LDAH: variants seen among roughly 807,000 people sequenced by gnomAD.
The protein encoded by LDAH is lipid droplet-associated hydrolase.
LDAH carries 26 observed loss-of-function variants against 29.6 expected under a neutral mutation model. The ratio of observed to expected loss-of-function variants is 0.88; its 90% CI spans 0.64 to 1.22. The LOEUF is 1.22. Ranked by LOEUF, LDAH falls within the 50% of genes most tolerant of loss-of-function variation. The pLI, the probability that LDAH is intolerant of heterozygous loss-of-function variation, is 0.00. For synonymous variants in LDAH, 117 were observed against 133.0 expected, an observed-to-expected ratio of 0.88 and a Z score of 0.83; for missense variants, 344 against 387.3, an observed-to-expected ratio of 0.89 and a Z score of 0.94.
chr2:20,741,689 G>A (rs1221617638), intron 4 of LDAH, among the ~76,000 whole-genome samples: 3 of 152,078 alleles, frequency 2.0e-5, no homozygotes, highest in African/African-American at 4.8e-5. Context: ...AAGTTCTGTT[G>A]TTTCAGATTC....
chr2:20,790,084 C>T (rs1211370253), intron 3 of LDAH, among the ~76,000 whole-genome samples, 171 bp downstream of exon 3: 1 of 152,174 alleles, frequency 6.6e-6, no homozygotes, highest in Admixed American at 6.5e-5. Flanking sequence ...CAGAAAATTA[C>T]ATGAAGAGTT....
chr2:20,811,731 C>G (rs911658542), intron 1 of LDAH, among the ~76,000 whole-genome samples: 8 of 150,542 alleles, frequency 5.3e-5, no homozygotes, highest in Non-Finnish European at 1.0e-4. Flanking sequence ...TGATCCACCC[C>G]TCTCGGCCTC....
chr2:20,686,898 C>T lies in LDAH; in HGVS notation c.*5G>A, dbSNP rs762905227. 8.7e-6 allele frequency: 14 copies of T among 1,610,622 alleles called. No individual in the cohort carries two copies. In the African/African-American group the frequency reaches 1.6e-4, roughly 18 times the overall value. ...TGGCAGTGGGGGCTTGTTCCTCAGGCCAATTTACATTTTGGACAAGTCATC... is the reference window on the plus strand; with the variant it reads ...TGGCAGTGGGGGCTTGTTCCTCAGGTCAATTTACATTTTGGACAAGTCATC... On this transcript the variant is annotated 3_prime_UTR_variant, in exon 7 of 7. Transcript: ENST00000237822.
intron 4 of LDAH, among the ~76,000 whole-genome samples, chr2:20,768,364 G>A (rs750332074): frequency 2.6e-5 from 4 of 152,132 alleles, no homozygotes; most frequent in South Asian, 2.1e-4. Context: ...GGGTGCCACC[G>A]CATTCCCTGG....
At chr2:20,739,918 TA>T in intron 5 of LDAH, 52 bp downstream of exon 5, 2 of 1,403,396 alleles carry the variant, frequency 1.4e-6, no homozygotes, top group Non-Finnish European at 2.0e-6. Context: ...GAGTATTGTG[TA>T]AACATTTTGT....
intron 5 of LDAH, among the ~76,000 whole-genome samples, chr2:20,712,997 T>G (rs546500061): frequency 6.6e-6 from 1 of 152,248 alleles, no homozygotes; most frequent in Non-Finnish European, 1.5e-5. Context: ...TTTCCCAACC[T>G]AGCAAGGCAG....
At chr2:20,743,056 C>A (rs1054761523) in intron 4 of LDAH, among the ~76,000 whole-genome samples, 4 of 152,024 alleles carry the variant, frequency 2.6e-5, no homozygotes, top group South Asian at 2.1e-4. Flanking sequence ...AGCCACCACA[C>A]CAGGCCTATT....
chr2:20,729,066 C>T (rs1666216245), intron 5 of LDAH, among the ~76,000 whole-genome samples: 1 of 152,162 alleles, frequency 6.6e-6, no homozygotes, highest in Admixed American at 6.5e-5. Flanking sequence ...GTTCTTCAAG[C>T]AACAATGTAG....
intron 6 of LDAH, among the ~76,000 whole-genome samples, chr2:20,689,247 G>A (rs904718549): frequency 1.4e-4 from 21 of 152,204 alleles, no homozygotes; most frequent in African/African-American, 3.6e-4. Flanking sequence ...AGTTTTGCAC[G>A]CTGCAGAGGA....
Position 20,686,857 on chromosome 2 carries a change from G to T in LDAH, c.*46C>A. 6.6e-7 allele frequency: 1 copy of T among 1,509,736 alleles called. No homozygotes were observed. The highest frequency in any genetic ancestry group is 1.2e-5 in the South Asian group (1 of 83,048). The allele number at this position is 1,509,736 out of a possible 1,614,324, so 93.5% of individuals were successfully genotyped here. The stretch of plus-strand genomic sequence containing the variant: ...ATTTACCTACTAAGTCTAGTACACT[G>T]ACTGCCTCCATGTACTGGCAGTGGG... On this transcript the variant is annotated 3_prime_UTR_variant, in exon 7 of 7. Transcript: ENST00000237822.
intron 4 of LDAH, among the ~76,000 whole-genome samples, chr2:20,760,443 G>T (rs539835384): frequency 6.6e-6 from 1 of 152,324 alleles, no homozygotes; most frequent in East Asian, 1.9e-4. Flanking sequence ...TGCACATCAG[G>T]AGTCCAGGCC....
Position 20,790,830 on chromosome 2 carries a change from C to T in LDAH, c.155-432G>A, listed in dbSNP as rs527524082. Among the ~76,000 whole-genome samples, 6 of 152,138 alleles carry T rather than the reference C, an allele frequency of 3.9e-5. No individual in the cohort carries two copies. In the South Asian group the frequency reaches 1.0e-3, roughly 26 times the overall value. Reference sequence around the variant, plus strand: ...GATCTTTTGGGGAAACAAACGTCTACAAGTACATGTAGATTTTTCTTATGT... The same window carrying T: ...GATCTTTTGGGGAAACAAACGTCTATAAGTACATGTAGATTTTTCTTATGT... On this transcript the variant is annotated intron_variant, in intron 2 of 6. Transcript: ENST00000237822.
chr2:20,795,361 T>C (rs1383001938), intron 2 of LDAH, among the ~76,000 whole-genome samples: 1 of 152,224 alleles, frequency 6.6e-6, no homozygotes, highest in Non-Finnish European at 1.5e-5. Flanking sequence ...TAGGTTGCCA[T>C]GTAGACAGAC....
intron 3 of LDAH, chr2:20,788,751 A>G (rs2125066204): frequency 5.8e-6 from 1 of 171,382 alleles, no homozygotes; most frequent in South Asian, 1.4e-4. Flanking sequence ...CTTGAATGGA[A>G]TGCCTATAGA....
At chr2:20,821,754 TTAA>T (rs1169811712) in intron 1 of LDAH, among the ~76,000 whole-genome samples, 3 of 151,928 alleles carry the variant, frequency 2.0e-5, no homozygotes, top group Non-Finnish European at 4.4e-5. Flanking sequence ...ACCCTAGAAC[TTAA>T]AGTATAATTT....
intron 1 of LDAH, among the ~76,000 whole-genome samples, chr2:20,803,755 C>T (rs2125115987): frequency 6.6e-6 from 1 of 152,338 alleles, no homozygotes. Flanking sequence ...GTCTGAACCT[C>T]ATTTCAATTC....
intron 4 of LDAH, 34 bp downstream of exon 4, chr2:20,774,776 C>T (rs763689112): frequency 6.2e-7 from 1 of 1,608,606 alleles, no homozygotes; most frequent in Admixed American, 1.7e-5. Flanking sequence ...GCACACAGTC[C>T]AGCACCCACA....
chr2:20,761,905 T>C (rs1421672074), intron 4 of LDAH, among the ~76,000 whole-genome samples: 2 of 151,730 alleles, frequency 1.3e-5, no homozygotes, highest in Non-Finnish European at 2.9e-5. Flanking sequence ...TAAATGTCTA[T>C]AATAGTGAAT....
chr2:20,689,915 T>C (rs551421508), intron 6 of LDAH, among the ~76,000 whole-genome samples: 1 of 152,308 alleles, frequency 6.6e-6, no homozygotes, highest in East Asian at 1.9e-4. Context: ...CCTATGATAA[T>C]GGCAGTCAGC....
Sources: allele counts gnomAD v4.1 joint callset (sites outside exome capture counted in the v4.1 genomes callset), GRCh38; gene constraint gnomAD v4.1.1; transcripts MANE v1.5; gene names NCBI Gene and HGNC (gene_info 2026-07-23, HGNC 2026-07-21).